Variants in NME8 observed in about 807,000 individuals in gnomAD.
NME8 encodes protein NME8.
NME8 carries 72 observed loss-of-function variants against 82.3 expected under a neutral mutation model. That is an observed-to-expected ratio of 0.87 (90% CI 0.72 to 1.06). NME8 has a LOEUF of 1.06. NME8 is among the 50% of genes least tolerant of loss of function. The pLI is 0.00. For synonymous variants in NME8, 267 were observed against 228.5 expected, an observed-to-expected ratio of 1.17 and a Z score of -1.52; for missense variants, 712 against 685.4, an observed-to-expected ratio of 1.04 and a Z score of -0.43.
chr7:37,865,469 C>T, intron 9 of NME8, 56 bp from the exon 10 acceptor site: 5 of 1,242,724 alleles, frequency 4.0e-6, no homozygotes, highest in Non-Finnish European at 5.9e-6. Context: ...ACAAACTTAA[C>T]TTGTTTTACA....
rs546529254 is a variant in NME8, at chr7:37,867,711, G to A, written c.631G>A (p.Glu211Lys). 1.1e-5 allele frequency: 18 copies of A among 1,612,352 alleles called. No homozygotes were observed. The highest frequency in any genetic ancestry group is 1.7e-4 in the Middle Eastern group (1 of 6,050). ...TCATTTTATTTTGTAGTGTGACTTC[G>A]AAGAGTTTGTCTCTTTTATGACAAG... ...YSRIADQCDF[E>K]EFVSFMTSGL... The change falls in exon 11 of 18, where the codon GAA becomes AAA. Residue 211 changes from glutamate (E) to lysine (K), a missense_variant. Glu to Lys is a moderately conservative substitution (Grantham distance 56). Transcript: ENST00000199447.
Position 37,884,427 on chromosome 7 carries a change from A to G in NME8, c.1119A>G (p.Lys373=). ...KEYENEDYFN[K]LIENMTSGPS... ...ATGAAAATGAAGACTATTTTAATAA[A>G]CTTATAGAAAACATGACCAGGTAGA... The change falls in exon 13 of 18, where the codon AAA becomes AAG. Residue 373 remains lysine, a synonymous_variant. Transcript: ENST00000199447. The G allele has an allele frequency of 6.2e-7, 1 of 1,611,642 alleles. No homozygotes were observed.
At chr7:37,895,683 T>G (rs934717766) in intron 16 of NME8, among the ~76,000 whole-genome samples, 8 of 152,140 alleles carry the variant, frequency 5.3e-5, no homozygotes, top group Non-Finnish European at 1.2e-4. Context: ...ATGAATCACA[T>G]GTACAGCAGT....
At chr7:37,853,769 A>G (rs1411514523) in intron 5 of NME8, among the ~76,000 whole-genome samples, 1 of 152,138 alleles carries the variant, frequency 6.6e-6, no homozygotes, top group Admixed American at 6.6e-5. Context: ...ATTAAAATGT[A>G]TGAGGTTATT....
At chr7:37,893,285 A>G (rs149954875) in intron 15 of NME8, among the ~76,000 whole-genome samples, 169 of 152,286 alleles carry the variant, frequency 1.1e-3, no homozygotes, top group African/African-American at 3.9e-3. Flanking sequence ...CCTTGCTTGC[A>G]GTGCCACAAT....
intron 12 of NME8, among the ~76,000 whole-genome samples, chr7:37,882,591 G>GAAA (rs1372562444): frequency 1.3e-5 from 1 of 75,628 alleles, no homozygotes; most frequent in Non-Finnish European, 2.6e-5. Context: ...AAGAAAGAAA[G>GAAA]AAAGAAAGAG....
rs2131960194 is a variant in NME8, at chr7:37,876,878, A to G, written c.865A>G (p.Ile289Val). ...ACAACATTTAGCTCAGCTCTGTGAC[A>G]TTGAAGAGGATGCAGCTAATGTTGC... ...ERQHLAQLCD[I>V]EEDAANVAKF... is the part of the protein sequence containing the mutation. Residue 289 changes from isoleucine (I) to valine (V), a missense_variant, in exon 12 of 18, where the codon ATT becomes GTT. Transcript: ENST00000199447. 6.2e-7 allele frequency: 1 copy of G among 1,613,202 alleles called. No homozygotes were observed. The highest frequency in any genetic ancestry group is 8.5e-7 in the Non-Finnish European group (1 of 1,179,428).
At position 37,885,018 on chromosome 7, in the gene NME8, G is replaced by T. The variant is rs927944351; in HGVS notation, c.1140-127G>T. 5.8e-6 allele frequency: 4 copies of T among 691,658 alleles called. No homozygotes were observed. The African/African-American group carries it at 7.1e-5, about 12-fold the overall frequency. 42.8% of individuals were successfully genotyped at this position (691,658 alleles called of 1,614,324 possible). Reference sequence around the variant, plus strand: ...CAACGGAAAAAAATCACAGACCTCTGTTAAAAGATTATTTTACATGTTACA... The same window carrying T: ...CAACGGAAAAAAATCACAGACCTCTTTTAAAAGATTATTTTACATGTTACA... On this transcript the variant is annotated intron_variant, in intron 13 of 17. Transcript: ENST00000199447.
chr7:37,882,593 AAG>A (rs1176054080), intron 12 of NME8, among the ~76,000 whole-genome samples: 1,308 of 51,710 alleles, frequency 0.025, 16 homozygotes, highest in African/African-American at 0.031. Flanking sequence ...GAAAGAAAGA[AAG>A]AAAGAGAGAG....
At position 37,863,395 on chromosome 7, in the gene NME8, G is replaced by A. The variant is rs1363440224; in HGVS notation, c.388-1G>A. ...CTTTGCATTGCATTTCTTTTTCATA[G>A]TATCCTGAAATTCCATTAGTAGACT... On this transcript the variant is annotated splice_acceptor_variant, in intron 7 of 17. Transcript: ENST00000199447. LOFTEE classifies it high-confidence loss of function. The A allele has an allele frequency of 6.4e-7, 1 of 1,560,208 alleles. No individual in the cohort carries two copies. The highest frequency in any genetic ancestry group is 8.8e-7 in the Non-Finnish European group (1 of 1,131,362).
chr7:37,867,465 T>G (rs1264912714), intron 10 of NME8, among the ~76,000 whole-genome samples: 1 of 152,154 alleles, frequency 6.6e-6, no homozygotes, highest in Non-Finnish European at 1.5e-5. Flanking sequence ...ATACATTTTC[T>G]TTATTGAAAC....
intron 12 of NME8, among the ~76,000 whole-genome samples, chr7:37,877,829 C>T (rs567742227): frequency 7.2e-5 from 11 of 152,236 alleles, no homozygotes; most frequent in Middle Eastern, 3.4e-3. Flanking sequence ...ATTGTGACAA[C>T]GTCAAAAATG....
chr7:37,896,499 G>T (rs113865274), intron 16 of NME8, among the ~76,000 whole-genome samples: 3,891 of 152,258 alleles, frequency 0.026, 129 homozygotes, highest in East Asian at 0.18. Context: ...AGGCCATCCT[G>T]GCAATGAGGA....
chr7:37,873,480 T>C (rs1303921373), intron 11 of NME8, among the ~76,000 whole-genome samples: 1 of 150,096 alleles, frequency 6.7e-6, no homozygotes, highest in Non-Finnish European at 1.5e-5. Context: ...GATGAATTGT[T>C]TAATTAATAT....
intron 15 of NME8, among the ~76,000 whole-genome samples, chr7:37,890,413 TTAC>T: frequency 6.6e-6 from 1 of 151,984 alleles, no homozygotes; most frequent in East Asian, 1.9e-4. Context: ...AGCATACCCA[TTAC>T]TTCATAACTT....
chr7:37,857,828 G>A (rs1314729316), intron 6 of NME8, among the ~76,000 whole-genome samples: 1 of 152,170 alleles, frequency 6.6e-6, no homozygotes, highest in Non-Finnish European at 1.5e-5. Context: ...GTGAGGAACA[G>A]GTGACTAATT....
intron 6 of NME8, among the ~76,000 whole-genome samples, chr7:37,858,678 T>C (rs901788171): frequency 8.6e-5 from 13 of 151,916 alleles, no homozygotes; most frequent in Non-Finnish European, 1.6e-4. Context: ...CTGCACGTAG[T>C]GGGTAGGTGC....
At chr7:37,878,376 G>T (rs561350536) in intron 12 of NME8, among the ~76,000 whole-genome samples, 2 of 152,068 alleles carry the variant, frequency 1.3e-5, no homozygotes, top group South Asian at 4.2e-4. Flanking sequence ...GAGAATTTTT[G>T]TGTCTATATT....
In NME8 at chr7:37,882,593, AAGAAAG is replaced by A. The variant is rs1159971231; in HGVS notation, c.995-1706_995-1701del. 9.7e-3 allele frequency among the ~76,000 whole-genome samples: 504 copies of A among 51,796 alleles called. 1 individual carries two copies. Among genetic ancestry groups the A allele is most frequent in the African/African-American group, 0.039 (478 of 12,392 alleles). 34.0% of individuals were successfully genotyped at this position (51,796 alleles called of 152,430 possible). ...AAAGAAAGAAAGAAAGAAAGAAAGAAAGAAAGAGAGAGAGAGAGAGAGAAAGAAAGA... is the reference window on the plus strand; with the variant it reads ...AAAGAAAGAAAGAAAGAAAGAAAGAAAGAGAGAGAGAGAGAGAAAGAAAGA... On this transcript the variant is annotated intron_variant, in intron 12 of 17. Transcript: ENST00000199447.
Sources: gnomAD v4.1 joint callset for allele counts (sites outside exome capture counted in the v4.1 genomes callset) on GRCh38, gnomAD v4.1.1 for gene constraint, MANE v1.5 for transcripts, NCBI Gene and HGNC (gene_info 2026-07-23, HGNC 2026-07-21) for gene names.